HECTD4: variants seen among roughly 807,000 people sequenced by gnomAD.
HECTD4 encodes the protein HECT domain E3 ubiquitin protein ligase 4, also known as probable E3 ubiquitin-protein ligase HECTD4.
HECTD4 carries 114 observed loss-of-function variants against 471.5 expected under a neutral mutation model. The ratio of observed to expected loss-of-function variants is 0.24; its 90% CI spans 0.21 to 0.28. The LOEUF (loss-of-function observed/expected upper bound fraction) is 0.28. Ranked by LOEUF, HECTD4 falls within the 10% of genes least tolerant of loss-of-function variation. HECTD4 has a pLI of 1.00. For synonymous variants in HECTD4, 2,012 were observed against 2,256.0 expected, an observed-to-expected ratio of 0.89 and a Z score of 3.07; for missense variants, 3,866 against 5,651.5, an observed-to-expected ratio of 0.68 and a Z score of 10.13.
intron 7 of HECTD4, among the ~76,000 whole-genome samples, chr12:112,300,420 T>C (rs1594024659): frequency 2.0e-5 from 3 of 152,224 alleles, no homozygotes; most frequent in Admixed American, 2.0e-4. Flanking sequence ...GATAGCCTGG[T>C]GCTTTTCGAA....
chr12:112,219,080 G>C (rs925919561), intron 45 of HECTD4, among the ~76,000 whole-genome samples: 2 of 151,770 alleles, frequency 1.3e-5, no homozygotes, highest in Non-Finnish European at 2.9e-5. Context: ...TTATGAAACT[G>C]ACTGTATCTC....
chr12:112,184,848 T>C lies in HECTD4; in HGVS notation c.10118A>G (p.Gln3373Arg), dbSNP rs1207869517. The change falls in exon 61 of 76, where the codon CAG becomes CGG. Residue 3373 changes from glutamine to arginine, a missense_variant. Physicochemically the swap from Gln to Arg is conservative, Grantham distance 43. Around this residue, in one of 16 missense-constraint regions of HECTD4, gnomAD observed 71 missense variants for 144.5 expected, o/e 0.49. Transcript: ENST00000682272. The surrounding 1 kb of genome is among the most constrained non-coding windows in gnomAD (Gnocchi z 9.1). ...ILRHLTRKDP[Q>R]GLGVTSDAIA... ...GGCGTCACTCGTCACGCCCAGCCCC[T>C]GTGGGTCCTTCCTGGTGAGGTGGCG... 6.2e-7 allele frequency: 1 copy of C among 1,606,916 alleles called. No homozygotes were observed. The highest frequency in any genetic ancestry group is 8.5e-7 in the Non-Finnish European group (1 of 1,175,152).
chr12:112,221,261 T>C (rs1052074083), intron 44 of HECTD4, among the ~76,000 whole-genome samples: 3 of 152,096 alleles, frequency 2.0e-5, no homozygotes, highest in Admixed American at 2.0e-4. Context: ...TTTATTTTAT[T>C]TTATTGAGAC....
chr12:112,238,930 A>C, intron 34 of HECTD4, 122 bp downstream of exon 34: 1 of 919,546 alleles, frequency 1.1e-6, no homozygotes, highest in Non-Finnish European at 1.6e-6. Flanking sequence ...CCACTGATTT[A>C]ACCCATCTGA....
chr12:112,337,748 A>T (rs1425804315), intron 1 of HECTD4, among the ~76,000 whole-genome samples: 1 of 152,218 alleles, frequency 6.6e-6, no homozygotes, highest in African/African-American at 2.4e-5. Context: ...TTACTTTCTT[A>T]TTAATGTACT....
At chr12:112,362,166 A>G (rs2036461844) in intron 1 of HECTD4, among the ~76,000 whole-genome samples, 1 of 152,302 alleles carries the variant, frequency 6.6e-6, no homozygotes, top group East Asian at 1.9e-4. Flanking sequence ...TCTGTACTCA[A>G]TGGGACTGTG....
At chr12:112,304,823 G>C (rs367580695) in intron 7 of HECTD4, among the ~76,000 whole-genome samples, 2 of 152,202 alleles carry the variant, frequency 1.3e-5, no homozygotes, top group East Asian at 3.8e-4. Context: ...AACCTGCACA[G>C]TTAAAGGTTA....
intron 1 of HECTD4, among the ~76,000 whole-genome samples, chr12:112,351,989 A>C (rs2036254550): frequency 6.6e-6 from 1 of 152,220 alleles, no homozygotes; most frequent in South Asian, 2.1e-4. Flanking sequence ...AATTTAACAG[A>C]TATTCAGCAA....
chr12:112,291,081 C>T (rs890423465), intron 7 of HECTD4, among the ~76,000 whole-genome samples: 3 of 152,072 alleles, frequency 2.0e-5, no homozygotes, highest in African/African-American at 7.2e-5. Flanking sequence ...CCCCTTCTCA[C>T]AAGGTGCATT....
In HECTD4 at chr12:112,179,044, G is replaced by A. The variant is rs2031568276; in HGVS notation, c.11250C>T (p.Asp3750=). 3 of 1,613,966 alleles carry A rather than the reference G, an allele frequency of 1.9e-6. No individual in the cohort carries two copies. Among genetic ancestry groups the A allele is most frequent in the Non-Finnish European group, 1.7e-6 (2 of 1,179,894 alleles). The change falls in exon 64 of 76, where the codon GAC becomes GAT. Residue 3750 remains aspartate, a synonymous_variant. Transcript: ENST00000682272. This position sits in a 1 kb window ranked among gnomAD's most constrained non-coding sequence, Gnocchi z 4.3. ...TCCCGGCCTTGCTGTACTTGCTCTT[G>A]TCAAACTTGGGCTTTGGCACGCCAT... ...RKYGVPKPKF[D]KSKYSKAGKE... is the part of the protein sequence containing the mutation.
At chr12:112,357,624 A>C (rs1487079693) in intron 1 of HECTD4, among the ~76,000 whole-genome samples, 4 of 152,224 alleles carry the variant, frequency 2.6e-5, no homozygotes, top group Non-Finnish European at 4.4e-5. Flanking sequence ...TAAGTCATGA[A>C]AGAAAGGTTA....
intron 53 of HECTD4, among the ~76,000 whole-genome samples, chr12:112,203,973 T>C (rs1175313923): frequency 2.0e-5 from 3 of 152,202 alleles, no homozygotes; most frequent in African/African-American, 7.2e-5. Flanking sequence ...GGTAATATAA[T>C]AGAACGTTGT....
At chr12:112,175,950 C>A in intron 65 of HECTD4, 91 bp from the exon 66 acceptor site, 1 of 1,500,138 alleles carries the variant, frequency 6.7e-7, no homozygotes, top group East Asian at 2.4e-5. Context: ...AGCCTCTCCC[C>A]TACGGCCCAA....
intron 7 of HECTD4, among the ~76,000 whole-genome samples, chr12:112,296,892 G>A (rs1214523206): frequency 3.3e-5 from 5 of 150,662 alleles, no homozygotes; most frequent in Admixed American, 3.3e-4. Context: ...AGGTGCAGTG[G>A]ATGTAGGTGC....
intron 1 of HECTD4, among the ~76,000 whole-genome samples, chr12:112,362,822 C>CT (rs1019793690): frequency 6.6e-6 from 1 of 152,040 alleles, no homozygotes; most frequent in African/African-American, 2.4e-5. Flanking sequence ...CTGCCTGAGC[C>CT]TCTAGAGTAG....
At chr12:112,227,668 C>T (rs913410628) in intron 43 of HECTD4, among the ~76,000 whole-genome samples, 3 of 151,848 alleles carry the variant, frequency 2.0e-5, no homozygotes, top group Non-Finnish European at 4.4e-5. Flanking sequence ...GATGGAGTTT[C>T]GCTCTTGTTG....
At chr12:112,312,871 G>T in intron 4 of HECTD4, 146 bp downstream of exon 4, 1 of 585,852 alleles carries the variant, frequency 1.7e-6, no homozygotes, top group Non-Finnish European at 2.9e-6. Flanking sequence ...TACTGATAAA[G>T]CAGACAATGA....
chr12:112,361,911 T>G (rs2036457019), intron 1 of HECTD4, among the ~76,000 whole-genome samples: 1 of 152,208 alleles, frequency 6.6e-6, no homozygotes, highest in African/African-American at 2.4e-5. Flanking sequence ...GATATATACT[T>G]ATTTTTTGTG....
Position 112,382,349 on chromosome 12 carries a change from G to A in HECTD4, c.-221C>T. 7.4e-6 allele frequency: 3 copies of A among 405,368 alleles called. No homozygotes were observed. The highest frequency in any genetic ancestry group is 4.5e-5 in the Admixed American group (1 of 22,306). The allele number at this position is 405,368 out of a possible 1,614,324, so 25.1% of individuals were successfully genotyped here. A position where few individuals can be genotyped will look rare whatever the true frequency, so the allele number is the denominator to read the frequency against. ...CCCTGCCGCCGCCGCCGCCGCCGCC[G>A]CCGCCGCCGCCCTCAGGAGCAGGAT... is the stretch of plus-strand genomic sequence containing the variant. On this transcript the variant is annotated 5_prime_UTR_variant, in exon 1 of 76. Transcript: ENST00000682272.
Sources: gnomAD v4.1 joint callset for allele counts (sites outside exome capture counted in the v4.1 genomes callset) on GRCh38, gnomAD v4.1.1 for gene constraint, gnomAD v4.1.1 regional missense constraint, Gnocchi (gnomAD v3.1) non-coding constraint, MANE v1.5 for transcripts, NCBI Gene and HGNC (gene_info 2026-07-23, HGNC 2026-07-21) for gene names.